Variants in FRMD4A observed in about 807,000 individuals in gnomAD.
The protein encoded by FRMD4A is FERM domain containing 4A.
In FRMD4A, 29 loss-of-function variants were observed where a neutral mutation model predicts 129.1. The ratio of observed to expected loss-of-function variants is 0.22; its 90% CI spans 0.17 to 0.31. FRMD4A has a LOEUF of 0.31. Among genes scored for constraint, FRMD4A ranks in the 10% least tolerant of loss-of-function variants. The pLI, the probability that FRMD4A is intolerant of heterozygous loss-of-function variation, is 1.00. For synonymous variants in FRMD4A, 634 were observed against 571.6 expected, an observed-to-expected ratio of 1.11 and a Z score of -1.56; for missense variants, 1,272 against 1,375.8, an observed-to-expected ratio of 0.92 and a Z score of 1.19.
intron 21 of FRMD4A, among the ~76,000 whole-genome samples, chr10:13,658,966 C>T (rs1050853331): frequency 2.6e-5 from 4 of 151,054 alleles, no homozygotes; most frequent in Non-Finnish European, 5.9e-5. Context: ...TATGAATTTA[C>T]ATTTTGAGGC....
intron 5 of FRMD4A, among the ~76,000 whole-genome samples, chr10:13,783,922 A>G (rs1588698925): frequency 6.6e-6 from 1 of 152,302 alleles, no homozygotes; most frequent in East Asian, 1.9e-4. Context: ...CCTTTATAAT[A>G]TTGACTTTGG....
intron 2 of FRMD4A, among the ~76,000 whole-genome samples, chr10:14,227,413 G>A (rs186776671): frequency 2.6e-5 from 4 of 151,510 alleles, no homozygotes; most frequent in African/African-American, 4.8e-5. Context: ...CACTAACCCC[G>A]GCTAATTTTT....
intron 2 of FRMD4A, among the ~76,000 whole-genome samples, chr10:13,963,549 A>G (rs971679150): frequency 3.9e-5 from 6 of 151,998 alleles, no homozygotes; most frequent in African/African-American, 9.7e-5. Context: ...ATCATTGAAA[A>G]CCCAATCTCA....
intron 2 of FRMD4A, among the ~76,000 whole-genome samples, chr10:14,031,349 C>A (rs1468944366): frequency 1.3e-5 from 2 of 151,910 alleles, no homozygotes; most frequent in African/African-American, 4.8e-5. Flanking sequence ...CTCACTGCAA[C>A]CTCCGCCTCC....
intron 6 of FRMD4A, among the ~76,000 whole-genome samples, chr10:13,775,350 G>T (rs529736088): frequency 2.0e-5 from 3 of 152,236 alleles, no homozygotes; most frequent in Non-Finnish European, 4.4e-5. Context: ...TTGTTGGGGA[G>T]CCCAAGGGGG....
At chr10:14,015,603 C>T (rs2095696715) in intron 2 of FRMD4A, among the ~76,000 whole-genome samples, 1 of 152,102 alleles carries the variant, frequency 6.6e-6, no homozygotes, top group Admixed American at 6.5e-5. Context: ...GTGGTCAACT[C>T]CTCGCTTCTG....
chr10:14,309,998 A>T (rs1003093368), intron 2 of FRMD4A, among the ~76,000 whole-genome samples: 2 of 145,792 alleles, frequency 1.4e-5, no homozygotes, highest in Non-Finnish European at 3.0e-5. Flanking sequence ...AGCACCTGTG[A>T]TGTCCTTCGC....
intron 2 of FRMD4A, among the ~76,000 whole-genome samples, chr10:14,164,453 T>C (rs1841068401): frequency 6.6e-6 from 1 of 152,174 alleles, no homozygotes; most frequent in African/African-American, 2.4e-5. Flanking sequence ...GTAAGGCTAT[T>C]CAGGTATCAA....
intron 2 of FRMD4A, among the ~76,000 whole-genome samples, chr10:14,301,510 T>A (rs182989213): frequency 6.6e-6 from 1 of 152,348 alleles, no homozygotes; most frequent in East Asian, 1.9e-4. Flanking sequence ...ACCTGTTTTC[T>A]CTTAATAGCA....
At chr10:13,795,323 T>C (rs1318012627) in intron 5 of FRMD4A, among the ~76,000 whole-genome samples, 1 of 152,204 alleles carries the variant, frequency 6.6e-6, no homozygotes. Context: ...GTAATGGAAA[T>C]AGCTAAGATG....
intron 2 of FRMD4A, among the ~76,000 whole-genome samples, chr10:14,085,888 G>A (rs1203490286): frequency 2.0e-5 from 3 of 152,110 alleles, no homozygotes; most frequent in South Asian, 2.1e-4. Flanking sequence ...TCTGGACTGC[G>A]GCAGGCATAT....
chr10:14,300,663 G>A (rs1372667649), intron 2 of FRMD4A, among the ~76,000 whole-genome samples: 2 of 152,204 alleles, frequency 1.3e-5, no homozygotes, highest in African/African-American at 2.4e-5. Context: ...GGTCATTGAT[G>A]TAAAATGGTG....
At chr10:14,197,906 T>C (rs902320921) in intron 2 of FRMD4A, among the ~76,000 whole-genome samples, 28 of 152,230 alleles carry the variant, frequency 1.8e-4, no homozygotes, top group African/African-American at 6.8e-4. Flanking sequence ...TATTCATCAC[T>C]GACCATCACT....
Position 14,013,874 on chromosome 10 carries a change from T to C in FRMD4A, c.46-154962A>G, listed in dbSNP as rs189576578. 1.2e-3 allele frequency among the ~76,000 whole-genome samples: 187 copies of C among 152,312 alleles called. 1 individual carries two copies. The highest frequency in any genetic ancestry group is 4.2e-3 in the African/African-American group (175 of 41,572). ...TGAGCCTGGGAGGCGGAGGTTGCAGTGAGCCGAGATTGTGCCATTGCACTC... is the reference window on the plus strand; with the variant it reads ...TGAGCCTGGGAGGCGGAGGTTGCAGCGAGCCGAGATTGTGCCATTGCACTC... On this transcript the variant is annotated intron_variant, in intron 2 of 24. Coordinates refer to ENST00000357447, the MANE Select transcript of FRMD4A (RefSeq NM_018027.5).
intron 2 of FRMD4A, among the ~76,000 whole-genome samples, chr10:14,116,611 G>T (rs1838213148): frequency 6.6e-6 from 1 of 152,118 alleles, no homozygotes; most frequent in African/African-American, 2.4e-5. Context: ...GAGACTCAGT[G>T]GGTTACAGAA....
intron 2 of FRMD4A, among the ~76,000 whole-genome samples, chr10:13,953,181 T>C (rs192770471): frequency 9.1e-4 from 139 of 152,360 alleles, no homozygotes; most frequent in Middle Eastern, 3.4e-3. Flanking sequence ...CTCTTCCATA[T>C]AGATGCTCTT....
intron 8 of FRMD4A, among the ~76,000 whole-genome samples, chr10:13,759,385 C>G (rs1394255642): frequency 6.6e-6 from 1 of 152,232 alleles, no homozygotes. Context: ...TTCCTTCTCC[C>G]TGGCAATCCA....
chr10:14,203,318 C>T (rs774993592), intron 2 of FRMD4A, among the ~76,000 whole-genome samples: 105 of 152,170 alleles, frequency 6.9e-4, no homozygotes, highest in Non-Finnish European at 2.2e-4. Context: ...TCCATCTCAA[C>T]ATTTGGTAGA....
At chr10:14,144,454 T>C (rs574390847) in intron 2 of FRMD4A, among the ~76,000 whole-genome samples, 2 of 152,344 alleles carry the variant, frequency 1.3e-5, no homozygotes, top group African/African-American at 2.4e-5. Flanking sequence ...TTTCAAGCAG[T>C]GCAAGTAATT....
Sources: allele counts gnomAD v4.1 joint callset (sites outside exome capture counted in the v4.1 genomes callset), GRCh38; gene constraint gnomAD v4.1.1; transcripts MANE v1.5; gene names NCBI Gene and HGNC (gene_info 2026-07-23, HGNC 2026-07-21).